FHIP1B: variants seen among roughly 807,000 people sequenced by gnomAD.
FHIP1B encodes the protein FHF complex subunit HOOK-interacting protein 1B.
In FHIP1B, 28 loss-of-function variants were observed where a neutral mutation model predicts 82.2. The observed-to-expected ratio is 0.34, with a 90% CI of 0.25 to 0.47. The LOEUF (loss-of-function observed/expected upper bound fraction) is 0.47, where lower values mean the gene tolerates loss of function less well. FHIP1B is among the 20% of genes least tolerant of loss of function. The pLI is 1.00. For missense variants in FHIP1B, 1,110 were observed against 1,262.6 expected, an observed-to-expected ratio of 0.88 and a Z score of 1.83; for synonymous variants, 585 against 516.1, an observed-to-expected ratio of 1.13 and a Z score of -1.81.
Position 6,222,464 on chromosome 11 carries a change from G to A in FHIP1B, c.1169C>T (p.Ala390Val), listed in dbSNP as rs1239233329. ...DTHTILDTLV[A>V]RIGSNSRLCM... ...TACCCGGGAGTTACTGCCAATACGA[G>A]CAACGAGGGTGTCGAGGATGGTGTG... Residue 390 changes from alanine to valine, a missense_variant, in exon 6 of 12, where the codon GCT (alanine) becomes GTT (valine). Around this residue, in one of 6 missense-constraint regions of FHIP1B, gnomAD observed 467 missense variants for 602.9 expected, o/e 0.77. Transcript: ENST00000449352. 1.2e-6 allele frequency: 2 copies of A among 1,614,012 alleles called. No individual in the cohort carries two copies. The highest frequency in any genetic ancestry group is 1.7e-6 in the Non-Finnish European group (2 of 1,180,016).
intron 9 of FHIP1B, among the ~76,000 whole-genome samples, chr11:6,216,145 T>C (rs1005829530): frequency 1.3e-5 from 2 of 152,200 alleles, no homozygotes; most frequent in African/African-American, 4.8e-5. Context: ...GGTACTGAGC[T>C]GAAAGGAACA....
intron 6 of FHIP1B, among the ~76,000 whole-genome samples, chr11:6,220,435 A>C (rs1847374971): frequency 6.6e-6 from 1 of 152,244 alleles, no homozygotes; most frequent in Non-Finnish European, 1.5e-5. Context: ...ACTGTAAGAC[A>C]ATAAATCTGT....
At chr11:6,216,359 A>C (rs930935815) in intron 9 of FHIP1B, among the ~76,000 whole-genome samples, 1 of 152,236 alleles carries the variant, frequency 6.6e-6, no homozygotes, top group South Asian at 2.1e-4. Flanking sequence ...GTCAACTTAA[A>C]TCTGCTATGT....
At chr11:6,216,973 G>A (rs988334560) in intron 9 of FHIP1B, 5 of 647,234 alleles carry the variant, frequency 7.7e-6, no homozygotes, top group African/African-American at 7.2e-5. Context: ...CATAGAGAGT[G>A]TTTAGGTGCC....
At chr11:6,219,093 T>C (rs1847335218) in intron 6 of FHIP1B, 43 bp from the exon 7 acceptor site, 10 of 1,498,244 alleles carry the variant, frequency 6.7e-6, no homozygotes, top group Non-Finnish European at 8.3e-6. Context: ...ATAAGAGCTC[T>C]CTGCCCTCCA....
chr11:6,226,323 T>G (rs1847563798), intron 1 of FHIP1B, among the ~76,000 whole-genome samples: 1 of 152,234 alleles, frequency 6.6e-6, no homozygotes, highest in Non-Finnish European at 1.5e-5. Flanking sequence ...ATTAACTCAA[T>G]GTATATCCAT....
intron 11 of FHIP1B, among the ~76,000 whole-genome samples, chr11:6,212,496 T>C (rs2133775156): frequency 6.6e-6 from 1 of 152,288 alleles, no homozygotes; most frequent in South Asian, 2.1e-4. Context: ...TCTTCACCAT[T>C]CACCACTTCA....
At chr11:6,211,900 G>C in intron 11 of FHIP1B, 33 bp from the exon 12 acceptor site, 1 of 1,516,738 alleles carries the variant, frequency 6.6e-7, no homozygotes, top group Admixed American at 2.2e-5. Context: ...TGAAGGTGCT[G>C]GGATCAGGGA....
intron 6 of FHIP1B, among the ~76,000 whole-genome samples, chr11:6,219,950 T>C (rs1847359882): frequency 1.3e-5 from 2 of 152,200 alleles, no homozygotes; most frequent in African/African-American, 4.8e-5. Flanking sequence ...ATAGCATGGA[T>C]GTTCAGGAGG....
At position 6,224,007 on chromosome 11, in the gene FHIP1B, C is replaced by A; in HGVS notation, c.380G>T (p.Arg127Leu). ...DELGDGVEER[R>L]AEQLKLFEML... ...TTCAAATAGTTTCAGTTGCTCAGCC[C>A]GCCGTTCCTCGACCCCATCCCCAAG... The change falls in exon 3 of 12, where the codon CGG becomes CTG. Residue 127 changes from arginine (R) to leucine (L), a missense_variant. Physicochemically the swap from Arg to Leu is moderately radical, Grantham distance 102 (BLOSUM62 -2). Coordinates refer to ENST00000449352, the MANE Select transcript of FHIP1B (RefSeq NM_001098794.2). 6.2e-7 allele frequency: 1 copy of A among 1,613,928 alleles called. No individual in the cohort carries two copies. The highest frequency in any genetic ancestry group is 8.5e-7 in the Non-Finnish European group (1 of 1,179,920).
At chr11:6,215,037 G>A (rs919848487) in intron 9 of FHIP1B, 126 bp from the exon 10 acceptor site, 12 of 944,200 alleles carry the variant, frequency 1.3e-5, no homozygotes, top group Non-Finnish European at 1.6e-5. Flanking sequence ...CTCTGGGTAT[G>A]TTTAAATATC....
intron 9 of FHIP1B, 139 bp from the exon 10 acceptor site, chr11:6,215,050 G>A (rs905269654): frequency 1.7e-5 from 13 of 785,776 alleles, no homozygotes; most frequent in East Asian, 6.3e-5. Flanking sequence ...TAAATATCCC[G>A]TGGCCACCTA....
chr11:6,212,145 C>T (rs1475607493), intron 11 of FHIP1B, among the ~76,000 whole-genome samples: 1 of 152,200 alleles, frequency 6.6e-6, no homozygotes, highest in African/African-American at 2.4e-5. Context: ...CCTCCCCACC[C>T]AGCCAACCAT....
chr11:6,222,954 GAGT>G, intron 4 of FHIP1B, 57 bp from the exon 5 acceptor site: 4 of 1,581,896 alleles, frequency 2.5e-6, no homozygotes, highest in Non-Finnish European at 3.5e-6. Flanking sequence ...GCCTGGAAGG[GAGT>G]AGAATAGTAC....
Position 6,224,480 on chromosome 11 carries a change from G to A in FHIP1B, c.37C>T (p.Arg13Trp), listed in dbSNP as rs377136109. Residue 13 changes from arginine (R) to tryptophan (W), a missense_variant, in exon 2 of 12, where the codon CGG becomes TGG. Physicochemically the swap from Arg to Trp is moderately radical, Grantham distance 101 (BLOSUM62 -3). Coordinates refer to ENST00000449352, the MANE Select transcript of FHIP1B (RefSeq NM_001098794.2). ...RMNWLSRLASRGPGHRIPQGA... is the reference protein window; with the variant it reads ...RMNWLSRLASWGPGHRIPQGA... ...TGAGGTATACGGTGCCCAGGGCCCC[G>A]GGAGGCCAGTCTGCTCAGCCAATTC... The A allele has an allele frequency of 2.8e-5, 45 of 1,613,790 alleles. No individual in the cohort carries two copies. The highest frequency in any genetic ancestry group is 1.6e-4 in the Middle Eastern group (1 of 6,082).
At chr11:6,230,734 G>C (rs1035886197) in intron 1 of FHIP1B, among the ~76,000 whole-genome samples, 15 of 152,198 alleles carry the variant, frequency 9.9e-5, no homozygotes, top group African/African-American at 2.9e-4. Context: ...CCTTGACAGA[G>C]ATGTCAAAAA....
In FHIP1B at chr11:6,214,832, C is replaced by A. The variant is rs756276375; in HGVS notation, c.2295G>T (p.Gly765=). The A allele has an allele frequency of 2.5e-6, 4 of 1,612,258 alleles. No individual in the cohort carries two copies. The highest frequency in any genetic ancestry group is 3.3e-4 in the Middle Eastern group (2 of 6,048). ...NSVYVNFLLT[G]LVAQLACHPQ... ...GGTGACAGGCCAGCTGGGCCACCAG[C>A]CCCGTCAGCAGGAAGTTGACATAGA... is the stretch of plus-strand genomic sequence containing the variant. Residue 765 remains glycine (G), a synonymous_variant, in exon 10 of 12, where the codon GGG becomes GGT. Coordinates refer to ENST00000449352, the MANE Select transcript of FHIP1B (RefSeq NM_001098794.2).
intron 11 of FHIP1B, 76 bp downstream of exon 11, chr11:6,214,335 T>G: frequency 6.7e-7 from 1 of 1,481,578 alleles, no homozygotes; most frequent in African/African-American, 1.4e-5. Flanking sequence ...ATTTCACTCT[T>G]AATAAGAGCT....
Position 6,224,254 on chromosome 11 carries a change from G to A in FHIP1B, c.139-6C>T, listed in dbSNP as rs372419156. On this transcript the variant is annotated splice_region_variant and splice_polypyrimidine_tract_variant and intron_variant, in intron 2 of 11. Coordinates refer to ENST00000449352, the MANE Select transcript of FHIP1B (RefSeq NM_001098794.2). ...CGCTCCAGGATTCGCACCACCTAGG[G>A]AAAAAGGACAGAAGATGGAAGGAAT... The A allele has an allele frequency of 1.5e-5, 24 of 1,611,438 alleles. No homozygotes were observed. The highest frequency in any genetic ancestry group is 3.3e-4 in the Middle Eastern group (2 of 6,052).
Sources: gnomAD v4.1 joint callset for allele counts (sites outside exome capture counted in the v4.1 genomes callset) on GRCh38, gnomAD v4.1.1 for gene constraint, gnomAD v4.1.1 regional missense constraint, MANE v1.5 for transcripts, NCBI Gene and HGNC (gene_info 2026-07-23, HGNC 2026-07-21) for gene names.